Variants in TEAD1 observed in about 807,000 individuals in gnomAD.
The protein encoded by TEAD1 is transcriptional enhancer factor TEF-1.
Under a neutral mutation model 54.9 loss-of-function variants are expected in TEAD1, and 9 were observed. The ratio of observed to expected loss-of-function variants is 0.16; its 90% CI spans 0.10 to 0.29. The LOEUF is 0.29. Among genes scored for constraint, TEAD1 ranks in the 10% least tolerant of loss-of-function variants. TEAD1 has a pLI of 1.00. For synonymous variants in TEAD1, 200 were observed against 187.8 expected (o/e 1.07, Z -0.53); for missense variants, 387 against 535.9 (o/e 0.72, Z 2.74).
chr11:12,847,117 G>C (rs140744755), intron 3 of TEAD1, among the ~76,000 whole-genome samples: 22 of 152,228 alleles, frequency 1.4e-4, no homozygotes, highest in African/African-American at 5.3e-4. Context: ...CTTTCTGCCT[G>C]CCCATTCAAA....
intron 3 of TEAD1, among the ~76,000 whole-genome samples, chr11:12,811,386 T>C (rs1946297378): frequency 6.6e-6 from 1 of 152,202 alleles, no homozygotes; most frequent in South Asian, 2.1e-4. Flanking sequence ...ATCTAAGCTG[T>C]TGGAACAAGA....
At chr11:12,887,213 CAGCCTCCCAAGT>C (rs1487352807) in intron 9 of TEAD1, among the ~76,000 whole-genome samples, 1 of 151,554 alleles carries the variant, frequency 6.6e-6, no homozygotes, top group Non-Finnish European at 1.5e-5. Flanking sequence ...TCTCCTGCCT[CAGCCTCCCAAGT>C]AGCTGGGACT....
chr11:12,859,192 G>A (rs959717481), intron 3 of TEAD1, among the ~76,000 whole-genome samples: 1 of 152,192 alleles, frequency 6.6e-6, no homozygotes, highest in African/African-American at 2.4e-5. Context: ...GGCTGTCTTG[G>A]ATATTGATTT....
chr11:12,862,920 T>C (rs919713444), intron 4 of TEAD1, among the ~76,000 whole-genome samples: 21 of 152,132 alleles, frequency 1.4e-4, no homozygotes, highest in Admixed American at 1.4e-3. Context: ...GCTCTGCCTT[T>C]CCTCGTTCTT....
At chr11:12,759,804 G>T (rs1457961532) in intron 2 of TEAD1, among the ~76,000 whole-genome samples, 1 of 152,220 alleles carries the variant, frequency 6.6e-6, no homozygotes, top group Non-Finnish European at 1.5e-5. Context: ...GGAGGTTGCA[G>T]TGAGCTGAGA....
At chr11:12,839,111 T>C (rs1428090770) in intron 3 of TEAD1, among the ~76,000 whole-genome samples, 1 of 150,206 alleles carries the variant, frequency 6.7e-6, no homozygotes, top group Non-Finnish European at 1.5e-5. Flanking sequence ...AATTTACTTA[T>C]TAAAAAAAAA....
intron 10 of TEAD1, 39 bp from the exon 11 acceptor site, chr11:12,924,873 A>G (rs754187073): frequency 3.1e-6 from 5 of 1,613,674 alleles, no homozygotes; most frequent in Non-Finnish European, 4.2e-6. Flanking sequence ...GACTCCTGGG[A>G]TGAGAGAATA....
At chr11:12,830,883 C>T (rs745882791) in intron 3 of TEAD1, among the ~76,000 whole-genome samples, 1 of 152,052 alleles carries the variant, frequency 6.6e-6, no homozygotes. Context: ...AGACACCCAT[C>T]TCTGCCCCCA....
At chr11:12,893,676 A>G (rs1407164095) in intron 9 of TEAD1, among the ~76,000 whole-genome samples, 1 of 151,488 alleles carries the variant, frequency 6.6e-6, no homozygotes, top group Non-Finnish European at 1.5e-5. Flanking sequence ...CTCTGTAGAG[A>G]TGGTGCTGGG....
At chr11:12,773,332 A>AT (rs1225409588) in intron 3 of TEAD1, among the ~76,000 whole-genome samples, 28 of 152,056 alleles carry the variant, frequency 1.8e-4, no homozygotes, top group African/African-American at 5.8e-4. Flanking sequence ...TACATTCAGT[A>AT]TTTTTTTCTT....
intron 3 of TEAD1, among the ~76,000 whole-genome samples, chr11:12,853,660 A>G (rs1433235727): frequency 3.3e-5 from 5 of 152,190 alleles, no homozygotes; most frequent in Non-Finnish European, 5.9e-5. Context: ...TGTTGTATTC[A>G]CTATGCAGCC....
intron 5 of TEAD1, among the ~76,000 whole-genome samples, chr11:12,869,847 A>C (rs1947702123): frequency 6.6e-6 from 1 of 151,406 alleles, no homozygotes; most frequent in Non-Finnish European, 1.5e-5. Context: ...CTCTCTTCTC[A>C]TTTTGCTCCT....
At chr11:12,824,386 G>A (rs1446082065) in intron 3 of TEAD1, among the ~76,000 whole-genome samples, 31 of 152,200 alleles carry the variant, frequency 2.0e-4, no homozygotes, top group Admixed American at 2.0e-3. Context: ...GAGAGAGGGT[G>A]CCTCAGAGCT....
chr11:12,820,878 C>T (rs1946530581), intron 3 of TEAD1, among the ~76,000 whole-genome samples: 1 of 152,158 alleles, frequency 6.6e-6, no homozygotes, highest in African/African-American at 2.4e-5. Context: ...TGGAGAAAAA[C>T]CTAGGACCCC....
At chr11:12,863,510 A>G (rs1342471454) in intron 4 of TEAD1, among the ~76,000 whole-genome samples, 1 of 152,194 alleles carries the variant, frequency 6.6e-6, no homozygotes, top group Non-Finnish European at 1.5e-5. Flanking sequence ...GGAAAAAAAA[A>G]TAATTGAATA....
chr11:12,884,198 T>C (rs911981233), intron 9 of TEAD1, among the ~76,000 whole-genome samples: 1 of 152,026 alleles, frequency 6.6e-6, no homozygotes, highest in Non-Finnish European at 1.5e-5. Flanking sequence ...TATGTGATCC[T>C]CCCTTCTTTC....
chr11:12,808,424 G>T (rs1196933208), intron 3 of TEAD1, among the ~76,000 whole-genome samples: 1 of 152,162 alleles, frequency 6.6e-6, no homozygotes, highest in African/African-American at 2.4e-5. Flanking sequence ...TTAGTTTCTA[G>T]CAGCCCAGAG....
chr11:12,816,256 A>T (rs1590179107), intron 3 of TEAD1, among the ~76,000 whole-genome samples: 1 of 151,894 alleles, frequency 6.6e-6, no homozygotes, highest in African/African-American at 2.4e-5. Flanking sequence ...ACCCTCTCTC[A>T]TTCCAGTGTC....
chr11:12,868,104 G>T (rs555129708), intron 5 of TEAD1, among the ~76,000 whole-genome samples: 4 of 152,200 alleles, frequency 2.6e-5, no homozygotes, highest in Non-Finnish European at 5.9e-5. Flanking sequence ...TGGCTTACCC[G>T]CAATGGAGGC....
Sources: allele counts gnomAD v4.1 joint callset (sites outside exome capture counted in the v4.1 genomes callset), GRCh38; gene constraint gnomAD v4.1.1; transcripts MANE v1.5; gene names NCBI Gene and HGNC (gene_info 2026-07-23, HGNC 2026-07-21).